Variants in MRAP2 observed in about 807,000 individuals in gnomAD.
MRAP2 encodes the protein melanocortin 2 receptor accessory protein 2, also known as melanocortin-2 receptor accessory protein 2.
In MRAP2, 20 loss-of-function variants were observed where a neutral mutation model predicts 17.4. The observed-to-expected ratio is 1.15, with a 90% confidence interval of 0.81 to 1.67. The LOEUF (loss-of-function observed/expected upper bound fraction) is 1.67. Ranked by LOEUF, MRAP2 falls within the 40% of genes most tolerant of loss-of-function variation. The pLI is 0.00. For missense variants in MRAP2, 238 were observed against 240.0 expected (o/e 0.99, Z 0.05); for synonymous variants, 96 against 88.4 (o/e 1.09, Z -0.48).
At chr6:84,093,830 T>C (rs1275646353), downstream of MRAP2, among the ~76,000 whole-genome samples, 4 of 152,214 alleles carry the variant, frequency 2.6e-5, no homozygotes, top group African/African-American at 7.2e-5. Context: ...TAAGTATGCA[T>C]ATGGGGCCTC....
At chr6:84,126,290 A>G in the MRAP2 span, 5 of 942,944 alleles carry the variant, frequency 5.3e-6, no homozygotes, top group Non-Finnish European at 7.3e-6. Flanking sequence ...TTAAGTGGTA[A>G]TTTTTGCTAG....
intron 1 of MRAP2, among the ~76,000 whole-genome samples, chr6:84,037,378 C>A (rs2099486375): frequency 6.6e-6 from 1 of 152,248 alleles, no homozygotes; most frequent in African/African-American, 2.4e-5. Context: ...AAAAGTTCTC[C>A]AAGTCCCCAC....
intron 3 of MRAP2, among the ~76,000 whole-genome samples, chr6:84,083,020 C>G (rs188536519): frequency 6.6e-6 from 1 of 152,238 alleles, no homozygotes; most frequent in East Asian, 1.9e-4. Flanking sequence ...GTCTAACCAA[C>G]CGAGATTAAT....
the MRAP2 span, chr6:84,124,902 G>GT: frequency 6.3e-5 from 40 of 633,394 alleles, no homozygotes; most frequent in Non-Finnish European, 7.4e-5. Context: ...ACCATTATAT[G>GT]TTTTTTTTCT....
chr6:84,137,387 A>G, the MRAP2 span, among the ~76,000 whole-genome samples: 1 of 152,222 alleles, frequency 6.6e-6, no homozygotes, highest in African/African-American at 2.4e-5. Flanking sequence ...CTATCTGTTC[A>G]TAAAACAACA....
At chr6:84,119,689 A>G in the MRAP2 span, among the ~76,000 whole-genome samples, 1 of 152,200 alleles carries the variant, frequency 6.6e-6, no homozygotes, top group East Asian at 1.9e-4. Context: ...CAGAATCACT[A>G]AATTACATGC....
chr6:84,087,279 G>T (rs939020403), intron 3 of MRAP2, among the ~76,000 whole-genome samples: 3 of 152,188 alleles, frequency 2.0e-5, no homozygotes, highest in African/African-American at 7.2e-5. Context: ...GGACTTCCAG[G>T]TCGTAAGTAG....
At chr6:84,077,649 AT>A (rs763446893) in intron 3 of MRAP2, among the ~76,000 whole-genome samples, 76 of 152,044 alleles carry the variant, frequency 5.0e-4, no homozygotes, top group Non-Finnish European at 8.5e-4. Context: ...TAACTATTCT[AT>A]TTTTTTGATG....
chr6:84,087,625 A>C (rs60852484), intron 3 of MRAP2, among the ~76,000 whole-genome samples: 20,626 of 152,240 alleles, frequency 0.14, 1,431 homozygotes, highest in Middle Eastern at 0.24. Context: ...AAGACAAAGA[A>C]GACCATGTAA....
the MRAP2 span, among the ~76,000 whole-genome samples, chr6:84,139,203 C>T: frequency 2.0e-3 from 310 of 152,264 alleles, no homozygotes; most frequent in African/African-American, 7.3e-3. Context: ...CTTATTAGCC[C>T]AGAGATGGCA....
chr6:84,143,738 G>GACATTACTAGTAA, the MRAP2 span, among the ~76,000 whole-genome samples: 2 of 151,956 alleles, frequency 1.3e-5, no homozygotes, highest in African/African-American at 2.4e-5. Flanking sequence ...CAAAAGTACA[G>GACATTACTAGTAA]TGGACAAAAC....
At chr6:84,134,647 T>C in the MRAP2 span, among the ~76,000 whole-genome samples, 12 of 152,150 alleles carry the variant, frequency 7.9e-5, no homozygotes, top group Admixed American at 2.6e-4. Context: ...GGCCCCACCC[T>C]GCCTTGGCTC....
At chr6:84,091,002 G>A (rs1307304037), downstream of MRAP2, 1 of 151,950 alleles carries the variant, frequency 6.6e-6, no homozygotes, top group Non-Finnish European at 1.5e-5. Context: ...TACCATCTCT[G>A]GGATTCTGGT....
At chr6:84,111,867 G>A in the MRAP2 span, among the ~76,000 whole-genome samples, 40 of 152,220 alleles carry the variant, frequency 2.6e-4, no homozygotes, top group Middle Eastern at 3.4e-3. Flanking sequence ...ATAATCATGT[G>A]GTTTTTGTCA....
At position 84,050,308 on chromosome 6, in the gene MRAP2, T is replaced by C. The variant is rs540778850; in HGVS notation, c.-7-5004T>C. Among the ~76,000 whole-genome samples the C allele has an allele frequency of 1.2e-3, 177 of 152,320 alleles. 1 individual carries two copies. The highest frequency in any genetic ancestry group is 4.0e-3 in the African/African-American group (165 of 41,568). ...TTGAGAATAACACCATGTTACTGTT[T>C]TTTTAAAGTACTGCCCTGGGAGGAC... On this transcript the variant is annotated intron_variant, in intron 1 of 3. Coordinates refer to ENST00000257776, the MANE Select transcript of MRAP2 (RefSeq NM_138409.4).
chr6:84,047,250 G>A (rs1437144232), intron 1 of MRAP2, among the ~76,000 whole-genome samples: 2 of 151,922 alleles, frequency 1.3e-5, no homozygotes, highest in African/African-American at 4.8e-5. Flanking sequence ...GAGTGCAGTG[G>A]CATGATCTCA....
chr6:84,094,392 C>T (rs1588667877), downstream of MRAP2, among the ~76,000 whole-genome samples: 1 of 152,162 alleles, frequency 6.6e-6, no homozygotes, highest in East Asian at 1.9e-4. Flanking sequence ...AAGTTCTTCC[C>T]TCCATTTTTC....
chr6:84,041,176 G>T lies in MRAP2; in HGVS notation c.-8+7293G>T, dbSNP rs543620194. On this transcript the variant is annotated intron_variant, in intron 1 of 3. Transcript: ENST00000257776. ...GGGCCAAGGTATAGCTCAGGCTGTAGTTTCAAAGGGTTTAAGCCCCAAGCC... is the reference window on the plus strand; with the variant it reads ...GGGCCAAGGTATAGCTCAGGCTGTATTTTCAAAGGGTTTAAGCCCCAAGCC... Among the ~76,000 whole-genome samples, 23 of 152,378 alleles carry T rather than the reference G, an allele frequency of 1.5e-4. 1 individual carries two copies. In the South Asian group the frequency reaches 4.6e-3, roughly 30 times the overall value.
intron 2 of MRAP2, among the ~76,000 whole-genome samples, chr6:84,059,669 G>A (rs1298016393): frequency 6.6e-6 from 1 of 152,132 alleles, no homozygotes; most frequent in East Asian, 1.9e-4. Context: ...CATTCCATTT[G>A]CAATTCCCCT....
Sources: allele counts gnomAD v4.1 joint callset (sites outside exome capture counted in the v4.1 genomes callset), GRCh38; gene constraint gnomAD v4.1.1; transcripts MANE v1.5; gene names NCBI Gene and HGNC (gene_info 2026-07-23, HGNC 2026-07-21).